The following CSMD3 variants were observed in gnomAD, a reference collection of about 807,000 sequenced individuals.
CSMD3 encodes the protein CUB and sushi domain-containing protein 3.
CSMD3 carries 177 observed loss-of-function variants against 435.2 expected under a neutral mutation model. The observed-to-expected ratio is 0.41, with a 90% CI of 0.36 to 0.46. CSMD3 has a LOEUF of 0.46. Ranked by LOEUF, CSMD3 falls within the 20% of genes least tolerant of loss-of-function variation. The pLI, the probability that CSMD3 is intolerant of heterozygous loss-of-function variation, is 0.34. For missense variants in CSMD3, 4,265 were observed against 4,504.6 expected (o/e 0.95, Z 1.52); for synonymous variants, 1,656 against 1,520.5 (o/e 1.09, Z -2.07).
At position 112,295,853 on chromosome 8, in the gene CSMD3, CCAGACCA is replaced by C. The variant is rs752909919; in HGVS notation, c.8587_8593del (p.Trp2863ValfsTer33). On this transcript the variant is annotated frameshift_variant, in exon 54 of 71. Coordinates refer to ENST00000297405, the MANE Select transcript of CSMD3 (RefSeq NM_198123.2). LOFTEE classifies it high-confidence loss of function. ...CTTACGCACACAGGATGGGAGCTGA[CCAGACCA>C]ATTGTGATCCTGTTGACATATCCTC... The C allele has an allele frequency of 6.2e-7, 1 of 1,613,912 alleles. No individual in the cohort carries two copies. The highest frequency in any genetic ancestry group is 1.1e-5 in the South Asian group (1 of 91,062).
chr8:113,350,179 C>A (rs946574306), intron 1 of CSMD3, among the ~76,000 whole-genome samples: 4 of 152,020 alleles, frequency 2.6e-5, no homozygotes, highest in African/African-American at 9.7e-5. Flanking sequence ...CCGACAACAT[C>A]ATACGGAGGA....
intron 4 of CSMD3, among the ~76,000 whole-genome samples, chr8:113,130,232 T>C (rs984808197): frequency 1.3e-5 from 2 of 152,136 alleles, no homozygotes; most frequent in Non-Finnish European, 2.9e-5. Context: ...AGGCTTCACA[T>C]GATCAATAGG....
intron 4 of CSMD3, among the ~76,000 whole-genome samples, chr8:113,118,755 T>C (rs909112104): frequency 1.3e-5 from 2 of 152,188 alleles, no homozygotes; most frequent in African/African-American, 4.8e-5. Context: ...GACTTCTTTA[T>C]CAGTATCCTA....
intron 1 of CSMD3, among the ~76,000 whole-genome samples, chr8:113,347,818 A>C (rs1472292383): frequency 6.6e-6 from 1 of 152,124 alleles, no homozygotes; most frequent in Non-Finnish European, 1.5e-5. Context: ...GAGTATTTCA[A>C]AGGATGATGA....
chr8:112,425,426 G>A (rs1484999438), intron 32 of CSMD3, among the ~76,000 whole-genome samples: 1 of 152,112 alleles, frequency 6.6e-6, no homozygotes, highest in African/African-American at 2.4e-5. Flanking sequence ...GAAGCCTATT[G>A]TCTTTCTTGC....
intron 1 of CSMD3, among the ~76,000 whole-genome samples, chr8:113,399,106 T>TATATATATATACACACACACAC (rs773585004): frequency 1.1e-5 from 1 of 95,096 alleles, no homozygotes; most frequent in African/African-American, 4.5e-5. Flanking sequence ...TATATATATA[T>TATATATATATACACACACACAC]ACACACACAC....
intron 3 of CSMD3, among the ~76,000 whole-genome samples, chr8:113,239,302 C>A (rs11997693): frequency 0.37 from 55,727 of 151,642 alleles, 11,065 homozygotes; most frequent in African/African-American, 0.52. Flanking sequence ...CTTATGTTAT[C>A]TTTATACATA....
chr8:112,800,345 G>A, intron 12 of CSMD3, 71 bp from the exon 13 acceptor site: 1 of 998,730 alleles, frequency 1.0e-6, no homozygotes, highest in Non-Finnish European at 1.6e-6. Context: ...TTATAAGACA[G>A]ATGTGTTTCT....
chr8:113,091,258 T>C (rs2089992619), intron 5 of CSMD3, among the ~76,000 whole-genome samples: 1 of 152,100 alleles, frequency 6.6e-6, no homozygotes, highest in South Asian at 2.1e-4. Context: ...TTTATTAAAG[T>C]AGAGCAAAGG....
chr8:113,231,970 A>C (rs1426333164), intron 3 of CSMD3, among the ~76,000 whole-genome samples: 1 of 151,610 alleles, frequency 6.6e-6, no homozygotes, highest in African/African-American at 2.4e-5. Flanking sequence ...AATACAACAC[A>C]GGGATCAAAT....
chr8:113,077,424 A>T (rs1282194144), intron 5 of CSMD3, among the ~76,000 whole-genome samples: 2 of 152,144 alleles, frequency 1.3e-5, no homozygotes, highest in Non-Finnish European at 2.9e-5. Flanking sequence ...AAGCTCTAAG[A>T]ATGTCAGTGG....
chr8:113,050,534 AC>A (rs536411800), intron 5 of CSMD3, among the ~76,000 whole-genome samples: 106 of 152,256 alleles, frequency 7.0e-4, no homozygotes, highest in African/African-American at 2.3e-3. Context: ...GAATTTGCCA[AC>A]TATTCCAATG....
At chr8:112,598,874 T>C (rs1308966378) in intron 22 of CSMD3, among the ~76,000 whole-genome samples, 1 of 152,170 alleles carries the variant, frequency 6.6e-6, no homozygotes, top group Non-Finnish European at 1.5e-5. Context: ...CAATTCAAGA[T>C]GGATTAAAGA....
chr8:112,656,984 C>G (rs550561847), intron 17 of CSMD3, among the ~76,000 whole-genome samples: 1 of 151,680 alleles, frequency 6.6e-6, no homozygotes. Flanking sequence ...CCCATTAACC[C>G]TATGGTGTAG....
At chr8:112,488,524 C>G (rs1028668185) in intron 31 of CSMD3, among the ~76,000 whole-genome samples, 3 of 152,170 alleles carry the variant, frequency 2.0e-5, no homozygotes, top group Non-Finnish European at 4.4e-5. Flanking sequence ...CTAGGAATCA[C>G]AGTTAACTTC....
rs569531169 is a variant in CSMD3, at chr8:113,120,352, TTAAA to T, written c.710-21393_710-21390del. Among the ~76,000 whole-genome samples the T allele has an allele frequency of 5.9e-3, 897 of 152,262 alleles. 4 individuals carry two copies. Among genetic ancestry groups the T allele is most frequent in the African/African-American group, 0.019 (796 of 41,570 alleles). On this transcript the variant is annotated intron_variant, in intron 4 of 70. Coordinates refer to ENST00000297405, the MANE Select transcript of CSMD3 (RefSeq NM_198123.2). ...TCATTGTTTTCTAAAGTTAAATGAA[TTAAA>T]TAAATATTGTCCTTCAATGATAGAT...
At chr8:113,244,058 A>G (rs2132259604) in intron 3 of CSMD3, among the ~76,000 whole-genome samples, 1 of 152,208 alleles carries the variant, frequency 6.6e-6, no homozygotes, top group African/African-American at 2.4e-5. Context: ...CAAATTATGT[A>G]TCTTCTCCAA....
intron 5 of CSMD3, among the ~76,000 whole-genome samples, chr8:113,041,147 G>T (rs966729639): frequency 1.4e-5 from 2 of 147,972 alleles, no homozygotes; most frequent in Non-Finnish European, 3.0e-5. Context: ...CAGAGGTTGC[G>T]GTGAGCCGAG....
intron 11 of CSMD3, among the ~76,000 whole-genome samples, chr8:112,830,413 A>G (rs2079835394): frequency 6.6e-6 from 1 of 152,188 alleles, no homozygotes; most frequent in South Asian, 2.1e-4. Context: ...GTAATTCAGC[A>G]TTATTTCTTG....
Sources: gnomAD v4.1 joint callset for allele counts (sites outside exome capture counted in the v4.1 genomes callset) on GRCh38, gnomAD v4.1.1 for gene constraint, MANE v1.5 for transcripts, NCBI Gene and HGNC (gene_info 2026-07-23, HGNC 2026-07-21) for gene names.